ASRGL1: variants seen among roughly 807,000 people sequenced by gnomAD.
ASRGL1 encodes the protein asparaginase and isoaspartyl peptidase 1, also known as isoaspartyl peptidase/L-asparaginase.
A neutral mutation model predicts 22.4 loss-of-function variants in ASRGL1; 16 were observed. The observed-to-expected ratio is 0.71, with a 90% confidence interval of 0.48 to 1.08. The LOEUF is 1.08. Ranked by LOEUF, ASRGL1 falls within the 50% of genes least tolerant of loss-of-function variation. The probability of loss-of-function intolerance (pLI) is 0.00; values close to 1 mark genes in which losing one functional copy is unlikely to be tolerated. For missense variants in ASRGL1, 412 were observed against 410.1 expected, an observed-to-expected ratio of 1.00 and a Z score of -0.04; for synonymous variants, 165 against 159.3, an observed-to-expected ratio of 1.04 and a Z score of -0.27.
chr11:62,394,123 AT>A (rs1030507436), downstream of ASRGL1, among the ~76,000 whole-genome samples: 1 of 136,806 alleles, frequency 7.3e-6, no homozygotes, highest in African/African-American at 2.6e-5. Context: ...TTACATATAT[AT>A]TATATATAAT....
At chr11:62,365,597 C>G (rs1205372600) in intron 4 of ASRGL1, among the ~76,000 whole-genome samples, 1 of 152,114 alleles carries the variant, frequency 6.6e-6, no homozygotes, top group Non-Finnish European at 1.5e-5. Flanking sequence ...CACCTGTAAT[C>G]CCAGCACTTT....
At chr11:62,365,183 T>C (rs1010031948) in intron 4 of ASRGL1, among the ~76,000 whole-genome samples, 1 of 152,084 alleles carries the variant, frequency 6.6e-6, no homozygotes, top group African/African-American at 2.4e-5. Context: ...ATTACTGTTA[T>C]GTAGCATGCG....
intron 2 of ASRGL1, among the ~76,000 whole-genome samples, chr11:62,347,143 TA>T (rs1452984858): frequency 6.6e-6 from 1 of 152,240 alleles, no homozygotes; most frequent in East Asian, 1.9e-4. Context: ...ACAACCTGTA[TA>T]TCAGCTCTAA....
At chr11:62,401,398 T>G in the ASRGL1 span, among the ~76,000 whole-genome samples, 39 of 152,268 alleles carry the variant, frequency 2.6e-4, no homozygotes, top group African/African-American at 8.4e-4. Flanking sequence ...TCCGGCACCA[T>G]GTGCAATAAA....
At chr11:62,366,936 G>C (rs1326477334) in intron 4 of ASRGL1, among the ~76,000 whole-genome samples, 1 of 152,216 alleles carries the variant, frequency 6.6e-6, no homozygotes, top group Non-Finnish European at 1.5e-5. Context: ...CAGGCACGGT[G>C]CCTCACGCCT....
intron 4 of ASRGL1, among the ~76,000 whole-genome samples, chr11:62,388,911 T>C (rs993318995): frequency 3.3e-5 from 5 of 152,082 alleles, no homozygotes; most frequent in African/African-American, 1.2e-4. Flanking sequence ...GGTGTTGGGA[T>C]TGGATGTACT....
intron 4 of ASRGL1, chr11:62,382,727 AT>A (rs1768337547): frequency 6.6e-6 from 1 of 152,472 alleles, no homozygotes; most frequent in Admixed American, 6.5e-5. Context: ...CCACAAGGCC[AT>A]ATCTCAGGCT....
In ASRGL1 at chr11:62,391,870, C is replaced by T. The variant is rs1947347920; in HGVS notation, c.722-209C>T. The T allele has an allele frequency of 5.3e-5, 39 of 742,314 alleles. No individual in the cohort carries two copies. The South Asian group carries it at 7.0e-4, about 13-fold the overall frequency. 46.0% of individuals were successfully genotyped at this position (742,314 alleles called of 1,614,324 possible). A position where few individuals can be genotyped will look rare whatever the true frequency, so the allele number is the denominator to read the frequency against. On this transcript the variant is annotated intron_variant, in intron 6 of 6. Transcript: ENST00000415229. The stretch of plus-strand genomic sequence containing the variant: ...AGGGGGCAGTAGAGAGACATTGAGC[C>T]TGGATGTGGGAGGGAAGACCCCTCT...
At chr11:62,368,927 C>G (rs1303341211) in intron 4 of ASRGL1, among the ~76,000 whole-genome samples, 1 of 152,062 alleles carries the variant, frequency 6.6e-6, no homozygotes, top group Non-Finnish European at 1.5e-5. Flanking sequence ...GGTTTTACAC[C>G]CGAGACATTC....
intron 4 of ASRGL1, among the ~76,000 whole-genome samples, chr11:62,384,577 G>A (rs1171809259): frequency 6.6e-6 from 1 of 151,768 alleles, no homozygotes; most frequent in Admixed American, 6.6e-5. Context: ...GAGATGATAG[G>A]TATGTTATTC....
chr11:62,363,426 A>G (rs1946533227), intron 4 of ASRGL1, among the ~76,000 whole-genome samples: 1 of 152,182 alleles, frequency 6.6e-6, no homozygotes, highest in African/African-American at 2.4e-5. Flanking sequence ...TTCAGTATAA[A>G]TCAGAGCATA....
intron 4 of ASRGL1, among the ~76,000 whole-genome samples, chr11:62,365,257 A>G (rs1679182910): frequency 6.6e-6 from 1 of 152,086 alleles, no homozygotes; most frequent in South Asian, 2.1e-4. Context: ...AAATTTGCTA[A>G]GAGGAGATTT....
chr11:62,338,707 G>A (rs559613409), intron 2 of ASRGL1, among the ~76,000 whole-genome samples: 29 of 152,022 alleles, frequency 1.9e-4, no homozygotes, highest in Admixed American at 1.4e-3. Context: ...AGGCCAAGGC[G>A]GGTGGATCAC....
intron 4 of ASRGL1, among the ~76,000 whole-genome samples, chr11:62,373,951 C>T (rs528368377): frequency 1.3e-5 from 2 of 152,334 alleles, no homozygotes; most frequent in South Asian, 2.1e-4. Flanking sequence ...TTCATGGCTC[C>T]CTGCGGAGCC....
chr11:62,363,027 T>A (rs1447005450), intron 4 of ASRGL1, among the ~76,000 whole-genome samples: 1 of 140,314 alleles, frequency 7.1e-6, no homozygotes, highest in East Asian at 2.3e-4. Context: ...CACGCCATTC[T>A]CCTGCATGCC....
rs1946492210 is a variant in ASRGL1, at chr11:62,362,648, T to TATATATA, written c.491+5510_491+5511insAATATAT. ...TATATAAAATATATATAATATATAATATATATTATATAAAATATATAATAT... is the reference window on the plus strand; with the variant it reads ...TATATAAAATATATATAATATATAATATATATAATATATTATATAAAATATATAATAT... On this transcript the variant is annotated intron_variant, in intron 4 of 6. Transcript: ENST00000415229. Among the ~76,000 whole-genome samples the TATATATA allele has an allele frequency of 5.1e-5, 3 of 59,028 alleles. 1 individual carries two copies. The highest frequency in any genetic ancestry group is 9.2e-5 in the Non-Finnish European group (3 of 32,434). 38.7% of individuals were successfully genotyped at this position (59,028 alleles called of 152,430 possible).
Position 62,391,525 on chromosome 11 carries a change from C to T in ASRGL1, c.614C>T (p.Ala205Val). ...GRVGDSPCLG[A>V]GGYADNDIGA... ...AACAATCACCCTTTTTGAGCAGGAGCTGGAGGTTATGCCGACAATGACATC... is the reference window on the plus strand; with the variant it reads ...AACAATCACCCTTTTTGAGCAGGAGTTGGAGGTTATGCCGACAATGACATC... Residue 205 changes from alanine (A) to valine (V), a missense_variant, in exon 6 of 7, where the codon GCT becomes GTT. By Grantham distance (64) the Ala-to-Val change is moderately conservative. Coordinates refer to ENST00000415229, the MANE Select transcript of ASRGL1 (RefSeq NM_001083926.2). 1 of 1,610,058 alleles carries T rather than the reference C, an allele frequency of 6.2e-7. No homozygotes were observed.
At chr11:62,357,176 G>A (rs1946321589) in intron 4 of ASRGL1, 32 bp downstream of exon 4, 1 of 1,593,148 alleles carries the variant, frequency 6.3e-7, no homozygotes, top group Non-Finnish European at 8.5e-7. Flanking sequence ...CATTATTTGG[G>A]AGTTATTAAA....
chr11:62,388,335 T>C (rs1009473455), intron 4 of ASRGL1, among the ~76,000 whole-genome samples: 4 of 152,060 alleles, frequency 2.6e-5, no homozygotes, highest in East Asian at 3.8e-4. Flanking sequence ...ACAGGGTCCA[T>C]AGGCAGGCAG....
Sources: gnomAD v4.1 joint callset for allele counts (sites outside exome capture counted in the v4.1 genomes callset) on GRCh38, gnomAD v4.1.1 for gene constraint, MANE v1.5 for transcripts, NCBI Gene and HGNC (gene_info 2026-07-23, HGNC 2026-07-21) for gene names.